Variants in SLC6A11 observed in about 807,000 individuals in gnomAD.
SLC6A11 encodes sodium- and chloride-dependent GABA transporter 3.
SLC6A11 carries 25 observed loss-of-function variants against 74.8 expected under a neutral mutation model. The observed-to-expected ratio is 0.33, with a 90% CI of 0.24 to 0.47. The LOEUF (loss-of-function observed/expected upper bound fraction) is 0.47, where lower values mean the gene tolerates loss of function less well. SLC6A11 is among the 20% of genes least tolerant of loss of function. The pLI, the probability that SLC6A11 is intolerant of heterozygous loss-of-function variation, is 1.00. For synonymous variants in SLC6A11, 330 were observed against 330.2 expected, an observed-to-expected ratio of 1.00 and a Z score of 0.01; for missense variants, 574 against 837.0, an observed-to-expected ratio of 0.69 and a Z score of 3.88.
chr3:10,910,819 A>ATTT lies in SLC6A11; in HGVS notation c.892-1252_892-1250dup, dbSNP rs67011478. Among the ~76,000 whole-genome samples the ATTT allele has an allele frequency of 3.4e-3, 428 of 126,344 alleles. 9 individuals are homozygous for ATTT. The highest frequency in any genetic ancestry group is 9.3e-3 in the Middle Eastern group (2 of 214). The allele number at this position is 126,344 out of a possible 152,430, so 82.9% of individuals were successfully genotyped here. A position where few individuals can be genotyped will look rare whatever the true frequency, so the allele number is the denominator to read the frequency against. ...CACCTACCACATAGGGTTGCTGTGA[A>ATTT]TTTTTTTTTTTTTTTTTTTTTGAGA... On this transcript the variant is annotated intron_variant, in intron 6 of 13. Coordinates refer to ENST00000254488, the MANE Select transcript of SLC6A11 (RefSeq NM_014229.3).
intron 5 of SLC6A11, among the ~76,000 whole-genome samples, chr3:10,871,103 C>T (rs1455922554): frequency 6.6e-6 from 1 of 152,142 alleles, no homozygotes; most frequent in African/African-American, 2.4e-5. Context: ...ACATAATAAA[C>T]CATGTCACTG....
rs539002950 is a variant in SLC6A11 at position 10,915,837 on chromosome 3, A to G, written c.996-2492A>G. On this transcript the variant is annotated intron_variant, in intron 7 of 13. Coordinates refer to ENST00000254488, the MANE Select transcript of SLC6A11 (RefSeq NM_014229.3). This position sits in a 1 kb window ranked among gnomAD's most constrained non-coding sequence, Gnocchi z 4.3. ...GATGGGAATTTTTTAACAAGGGACA[A>G]TTTGTTTTTCAACACCTGTGTGGAT... 3.3e-5 allele frequency among the ~76,000 whole-genome samples: 5 copies of G among 152,300 alleles called. No individual in the cohort carries two copies. The highest frequency in any genetic ancestry group is 6.5e-5 in the Admixed American group (1 of 15,310).
Position 10,819,515 on chromosome 3 carries a change from G to T in SLC6A11, c.307G>T (p.Val103Phe). 6.2e-7 allele frequency: 1 copy of T among 1,614,006 alleles called. No individual in the cohort carries two copies. Among genetic ancestry groups the T allele is most frequent in the Non-Finnish European group, 8.5e-7 (1 of 1,179,962 alleles). ...VVFFICCGIPVFFLETALGQF... is the reference protein window; with the variant it reads ...VVFFICCGIPFFFLETALGQF... ...GTTTTTTATTTGCTGTGGAATTCCTGTTTTTTTCCTGGAGACAGCTCTGGG... is the reference window on the plus strand; with the variant it reads ...GTTTTTTATTTGCTGTGGAATTCCTTTTTTTTTCCTGGAGACAGCTCTGGG... Residue 103 changes from valine (V) to phenylalanine (F), a missense_variant, in exon 2 of 14, where the codon GTT becomes TTT. By Grantham distance (50) the Val-to-Phe change is conservative. Coordinates refer to ENST00000254488, the MANE Select transcript of SLC6A11 (RefSeq NM_014229.3).
At chr3:10,842,313 C>T (rs1447593328) in intron 4 of SLC6A11, among the ~76,000 whole-genome samples, 1 of 152,180 alleles carries the variant, frequency 6.6e-6, no homozygotes, top group Non-Finnish European at 1.5e-5. Context: ...TCAAGCCTTA[C>T]TGTGTATGAG....
At chr3:10,884,679 C>G (rs945303513) in intron 6 of SLC6A11, among the ~76,000 whole-genome samples, 4 of 152,204 alleles carry the variant, frequency 2.6e-5, no homozygotes, top group African/African-American at 9.6e-5. Flanking sequence ...AATCTCTGAG[C>G]ATCCCAAACC....
intron 5 of SLC6A11, among the ~76,000 whole-genome samples, chr3:10,866,970 G>T (rs1694770146): frequency 6.6e-6 from 1 of 152,092 alleles, no homozygotes; most frequent in Non-Finnish European, 1.5e-5. Context: ...TTCTTTCCTG[G>T]GAATGCAGGT....
At chr3:10,824,544 T>C (rs1322925270) in intron 4 of SLC6A11, 1 of 152,240 alleles carries the variant, frequency 6.6e-6, no homozygotes, top group African/African-American at 2.4e-5. Flanking sequence ...CACCTAGGTC[T>C]TTCTTGCATA....
chr3:10,828,247 A>C (rs961744020), intron 4 of SLC6A11, among the ~76,000 whole-genome samples: 3 of 152,180 alleles, frequency 2.0e-5, no homozygotes, highest in Non-Finnish European at 4.4e-5. Context: ...GTATACAATC[A>C]AAACTGTTTT....
At chr3:10,840,256 C>T (rs547911167) in intron 4 of SLC6A11, among the ~76,000 whole-genome samples, 8 of 152,326 alleles carry the variant, frequency 5.3e-5, no homozygotes, top group South Asian at 2.1e-4. Context: ...TCTTTGGCCT[C>T]GTGGTGTTCT....
intron 7 of SLC6A11, among the ~76,000 whole-genome samples, chr3:10,914,821 T>C (rs1283932679): frequency 6.6e-6 from 1 of 152,182 alleles, no homozygotes; most frequent in East Asian, 1.9e-4. Flanking sequence ...TTCTTTCAAA[T>C]GTACACTGTC....
rs184685195 is a variant in SLC6A11 at position 10,869,281 on chromosome 3, G to A, written c.757-5680G>A. Among the ~76,000 whole-genome samples the A allele has an allele frequency of 3.3e-4, 50 of 152,332 alleles. No individual in the cohort carries two copies. In the East Asian group the frequency reaches 4.0e-3, roughly 12 times the overall value. On this transcript the variant is annotated intron_variant, in intron 5 of 13. Transcript: ENST00000254488. ...ATGTGGGATGGGGCTCAGGGAGGAC[G>A]GGGCAATTCATCCTCTCAGCAACAT...
chr3:10,885,905 C>A (rs1199456755), intron 6 of SLC6A11, among the ~76,000 whole-genome samples: 1 of 152,184 alleles, frequency 6.6e-6, no homozygotes, highest in East Asian at 1.9e-4. Context: ...CAGAGAGCCT[C>A]CACATGGACT....
chr3:10,933,064 A>G (rs917115486), intron 10 of SLC6A11, 87 bp from the exon 11 acceptor site: 1 of 880,180 alleles, frequency 1.1e-6, no homozygotes, highest in African/African-American at 1.6e-5. Flanking sequence ...GAGCAGAGAG[A>G]GGGACCTTCC....
chr3:10,932,246 T>C (rs551802383), intron 10 of SLC6A11, among the ~76,000 whole-genome samples: 2 of 152,258 alleles, frequency 1.3e-5, no homozygotes, highest in South Asian at 4.2e-4. Context: ...TCAATCATCA[T>C]GGATTTGTAT....
At chr3:10,877,058 A>G (rs371066773) in intron 6 of SLC6A11, among the ~76,000 whole-genome samples, 1 of 152,174 alleles carries the variant, frequency 6.6e-6, no homozygotes, top group Non-Finnish European at 1.5e-5. Flanking sequence ...CCACTTTTCC[A>G]TGAGCATAGG....
chr3:10,875,315 A>G (rs954792492), intron 6 of SLC6A11, among the ~76,000 whole-genome samples: 2 of 152,264 alleles, frequency 1.3e-5, no homozygotes, highest in African/African-American at 4.8e-5. Flanking sequence ...AATTTGTGAC[A>G]TGGTAATAGA....
At chr3:10,932,069 T>C (rs1409584456) in intron 10 of SLC6A11, among the ~76,000 whole-genome samples, 1 of 152,188 alleles carries the variant, frequency 6.6e-6, no homozygotes, top group Non-Finnish European at 1.5e-5. Flanking sequence ...TCCCCTGCGT[T>C]TGATTGCATC....
At chr3:10,920,210 T>C (rs975521942) in intron 8 of SLC6A11, among the ~76,000 whole-genome samples, 8 of 152,146 alleles carry the variant, frequency 5.3e-5, no homozygotes, top group African/African-American at 9.7e-5. Context: ...AGAGGAGTAA[T>C]AGGAAGAAAA....
intron 5 of SLC6A11, among the ~76,000 whole-genome samples, chr3:10,844,708 G>A (rs982019286): frequency 2.0e-5 from 3 of 152,194 alleles, no homozygotes; most frequent in African/African-American, 7.2e-5. Flanking sequence ...CTAGGTGTGT[G>A]TGAGGGCAGG....
Sources: allele counts gnomAD v4.1 joint callset (sites outside exome capture counted in the v4.1 genomes callset), GRCh38; gene constraint gnomAD v4.1.1; non-coding constraint Gnocchi (gnomAD v3.1); transcripts MANE v1.5; gene names NCBI Gene and HGNC (gene_info 2026-07-23, HGNC 2026-07-21).